Variants in AKAP6 observed in about 807,000 individuals in gnomAD.
AKAP6 encodes the protein A-kinase anchoring protein 6, also known as A-kinase anchor protein 6.
A neutral mutation model predicts 188.5 loss-of-function variants in AKAP6; 58 were observed. The ratio of observed to expected loss-of-function variants is 0.31; its 90% CI spans 0.25 to 0.38. The LOEUF is 0.38. Among genes scored for constraint, AKAP6 ranks in the 10% least tolerant of loss-of-function variants. AKAP6 has a pLI of 1.00. For missense variants in AKAP6, 2,710 were observed against 2,740.0 expected (o/e 0.99, Z 0.24); for synonymous variants, 989 against 998.6 (o/e 0.99, Z 0.18).
intron 11 of AKAP6, among the ~76,000 whole-genome samples, chr14:32,739,938 G>A (rs2031600789): frequency 1.3e-5 from 2 of 151,900 alleles, no homozygotes; most frequent in Admixed American, 6.6e-5. Context: ...TAGTTTTTTG[G>A]AGAACCTTCA....
At position 32,335,602 on chromosome 14, in the gene AKAP6, T is replaced by A. The variant is rs185285552; in HGVS notation, c.-35+6194T>A. Reference sequence around the variant, plus strand: ...CAATGGGGGATATATTACATTATACTTGAAGATATTTGGTAGGTGAGGTTT... The same window carrying A: ...CAATGGGGGATATATTACATTATACATGAAGATATTTGGTAGGTGAGGTTT... On this transcript the variant is annotated intron_variant, in intron 1 of 13. Coordinates refer to ENST00000280979, the MANE Select transcript of AKAP6 (RefSeq NM_004274.5). Among the ~76,000 whole-genome samples, 320 of 152,332 alleles carry A rather than the reference T, an allele frequency of 2.1e-3. 1 individual carries two copies. The highest frequency in any genetic ancestry group is 7.4e-3 in the African/African-American group (307 of 41,588).
rs1885092573 is a variant in AKAP6, at chr14:32,583,723, C to T, written c.2469+6481C>T. Among the ~76,000 whole-genome samples the T allele has an allele frequency of 3.3e-5, 5 of 152,298 alleles. No homozygotes were observed. In the Middle Eastern group the frequency reaches 0.01, roughly 311 times the overall value. The stretch of plus-strand genomic sequence containing the variant: ...CCTCGCTGCTGCCTTGCAGTTTGAT[C>T]TCAGACTGCTGTGCTAGAAATCAGC... On this transcript the variant is annotated intron_variant, in intron 5 of 13. Coordinates refer to ENST00000280979, the MANE Select transcript of AKAP6 (RefSeq NM_004274.5).
intron 7 of AKAP6, among the ~76,000 whole-genome samples, chr14:32,666,485 CT>C (rs981351682): frequency 3.4e-4 from 52 of 151,816 alleles, no homozygotes; most frequent in African/African-American, 1.2e-3. Context: ...TTTTTTTCCC[CT>C]CTCACAAAAA....
intron 3 of AKAP6, among the ~76,000 whole-genome samples, chr14:32,536,333 T>C (rs1474173120): frequency 1.2e-4 from 18 of 152,180 alleles, no homozygotes; most frequent in Admixed American, 1.1e-3. Context: ...AATAGACTGG[T>C]GAACAGAGGC....
At chr14:32,581,349 G>A (rs1884959422) in intron 5 of AKAP6, among the ~76,000 whole-genome samples, 1 of 152,190 alleles carries the variant, frequency 6.6e-6, no homozygotes, top group Admixed American at 6.5e-5. Flanking sequence ...TTGCACTATG[G>A]TCTGAGAGAC....
chr14:32,743,556 T>G (rs1594901491), intron 11 of AKAP6, among the ~76,000 whole-genome samples: 1 of 152,282 alleles, frequency 6.6e-6, no homozygotes, highest in Non-Finnish European at 1.5e-5. Flanking sequence ...TGGTTTGAGG[T>G]TACCATGAGG....
intron 2 of AKAP6, among the ~76,000 whole-genome samples, chr14:32,490,382 G>A (rs908864507): frequency 6.6e-6 from 1 of 152,122 alleles, no homozygotes; most frequent in African/African-American, 2.4e-5. Context: ...AATATATTCA[G>A]ATCACCATAT....
intron 1 of AKAP6, among the ~76,000 whole-genome samples, chr14:32,378,913 CTT>C (rs1888246810): frequency 8.9e-6 from 1 of 112,126 alleles, no homozygotes; most frequent in African/African-American, 3.4e-5. Context: ...TTCTGTCTTT[CTT>C]CCTTTTTTTT....
intron 12 of AKAP6, among the ~76,000 whole-genome samples, chr14:32,800,080 T>C (rs1456131002): frequency 1.4e-5 from 2 of 145,902 alleles, no homozygotes; most frequent in Non-Finnish European, 3.0e-5. Context: ...TAGAAATATA[T>C]ATATATACAA....
intron 7 of AKAP6, among the ~76,000 whole-genome samples, chr14:32,654,387 T>C (rs1888362078): frequency 6.6e-6 from 1 of 152,120 alleles, no homozygotes; most frequent in Non-Finnish European, 1.5e-5. Context: ...TGGCATTGAC[T>C]AAAATGAAAA....
At chr14:32,690,547 GC>G (rs751470439) in intron 8 of AKAP6, among the ~76,000 whole-genome samples, 3 of 151,970 alleles carry the variant, frequency 2.0e-5, no homozygotes, top group Non-Finnish European at 2.9e-5. Flanking sequence ...ATTTATAAAA[GC>G]CCTGGAATCT....
At chr14:32,450,465 A>T (rs1222055634) in intron 2 of AKAP6, among the ~76,000 whole-genome samples, 1 of 152,208 alleles carries the variant, frequency 6.6e-6, no homozygotes, top group Non-Finnish European at 1.5e-5. Context: ...CTCACTTAAC[A>T]AGGCCTGCAA....
Position 32,823,760 on chromosome 14 carries a change from T to A in AKAP6, c.5947T>A (p.Ser1983Thr). 6.2e-7 allele frequency: 1 copy of A among 1,613,436 alleles called. No homozygotes were observed. Among genetic ancestry groups the A allele is most frequent in the Non-Finnish European group, 8.5e-7 (1 of 1,179,824 alleles). ...QSTASTPTEK[S>T]FSELALETRF... ...CACTGCCTCTACTCCCACTGAGAAG[T>A]CTTTCTCAGAACTGGCTTTAGAAAC... The change falls in exon 13 of 14, where the codon TCT (serine) becomes ACT (threonine). Residue 1983 changes from serine to threonine, a missense_variant. Physicochemically the swap from Ser to Thr is moderately conservative, Grantham distance 58. Around this residue, in one of 2 missense-constraint regions of AKAP6, gnomAD observed 2,473 missense variants for 2,426.1 expected, o/e 1.02. Coordinates refer to ENST00000280979, the MANE Select transcript of AKAP6 (RefSeq NM_004274.5).
chr14:32,480,424 A>G (rs1171246778), intron 2 of AKAP6, among the ~76,000 whole-genome samples: 1 of 152,182 alleles, frequency 6.6e-6, no homozygotes, highest in African/African-American at 2.4e-5. Flanking sequence ...GCAGGATCCA[A>G]AGGACTTTCT....
chr14:32,789,958 G>C (rs1431238164), intron 12 of AKAP6, among the ~76,000 whole-genome samples: 2 of 152,168 alleles, frequency 1.3e-5, no homozygotes, highest in Admixed American at 6.5e-5. Flanking sequence ...CCAATGCAAA[G>C]AAGCTAAGAA....
At chr14:32,395,464 C>A (rs1888849202) in intron 1 of AKAP6, among the ~76,000 whole-genome samples, 1 of 152,026 alleles carries the variant, frequency 6.6e-6, no homozygotes, top group African/African-American at 2.4e-5. Context: ...CAGAAGAGGG[C>A]AGAATTAATG....
At chr14:32,422,469 C>A (rs925672368) in intron 1 of AKAP6, among the ~76,000 whole-genome samples, 1 of 152,172 alleles carries the variant, frequency 6.6e-6, no homozygotes, top group Non-Finnish European at 1.5e-5. Flanking sequence ...TGGGAGAAAT[C>A]TTCCAGGCCC....
At chr14:32,821,270 A>C in intron 12 of AKAP6, 132 bp from the exon 13 acceptor site, 1 of 911,326 alleles carries the variant, frequency 1.1e-6, no homozygotes, top group Non-Finnish European at 1.6e-6. Context: ...AGAGTTGATA[A>C]TTAGGCCGTC....
chr14:32,812,893 T>C (rs1357453058), intron 12 of AKAP6, among the ~76,000 whole-genome samples: 1 of 152,238 alleles, frequency 6.6e-6, no homozygotes, highest in Non-Finnish European at 1.5e-5. Flanking sequence ...AAAGTTTCTC[T>C]GCACACACTC....
Sources: allele counts gnomAD v4.1 joint callset (sites outside exome capture counted in the v4.1 genomes callset), GRCh38; gene constraint gnomAD v4.1.1; regional missense constraint gnomAD v4.1.1; transcripts MANE v1.5; gene names NCBI Gene and HGNC (gene_info 2026-07-23, HGNC 2026-07-21).